MYRIP: variants seen among roughly 807,000 people sequenced by gnomAD.
MYRIP encodes myosin VIIA and Rab interacting protein.
Under a neutral mutation model 98.0 loss-of-function variants are expected in MYRIP, and 49 were observed. The ratio of observed to expected loss-of-function variants is 0.50; its 90% CI spans 0.40 to 0.63. The LOEUF is 0.63. Ranked by LOEUF, MYRIP falls within the 30% of genes least tolerant of loss-of-function variation. The pLI, the probability that MYRIP is intolerant of heterozygous loss-of-function variation, is 0.00. For synonymous variants in MYRIP, 404 were observed against 409.5 expected (o/e 0.99, Z 0.16); for missense variants, 1,004 against 1,058.2 (o/e 0.95, Z 0.71).
At chr3:39,957,618 C>G (rs914307391) in intron 2 of MYRIP, among the ~76,000 whole-genome samples, 17 of 152,222 alleles carry the variant, frequency 1.1e-4, no homozygotes, top group South Asian at 1.0e-3. Flanking sequence ...AAAACTGGCA[C>G]AAGACAGGGA....
chr3:40,029,495 T>G (rs187546810), intron 2 of MYRIP, among the ~76,000 whole-genome samples: 32 of 152,190 alleles, frequency 2.1e-4, no homozygotes, highest in Admixed American at 6.5e-4. Context: ...GCTGCAAAGA[T>G]TCTGGATTGT....
chr3:40,233,032 C>T (rs1477186480), intron 11 of MYRIP: 2 of 152,212 alleles, frequency 1.3e-5, no homozygotes, highest in African/African-American at 4.8e-5. Context: ...CATTCATCTT[C>T]AATTCTGTTG....
intron 2 of MYRIP, among the ~76,000 whole-genome samples, chr3:39,908,429 AC>A (rs202235547): frequency 4.0e-5 from 6 of 149,436 alleles, no homozygotes; most frequent in Non-Finnish European, 7.4e-5. Context: ...GTAATCTTCC[AC>A]CCCCCCCATT....
rs913823500 is a variant in MYRIP at position 39,918,027 on chromosome 3, C to T, written c.110+17101C>T. On this transcript the variant is annotated intron_variant, in intron 2 of 16. Transcript: ENST00000302541. ...CTGCAAGCTCAGCTTCCCAGGTTCACGCCATTCTCCTGCCTCAGCCTCCGG... is the reference window on the plus strand; with the variant it reads ...CTGCAAGCTCAGCTTCCCAGGTTCATGCCATTCTCCTGCCTCAGCCTCCGG... 2.6e-5 allele frequency among the ~76,000 whole-genome samples: 4 copies of T among 151,832 alleles called. No individual in the cohort carries two copies. In the East Asian group the frequency reaches 7.8e-4, roughly 30 times the overall value.
In MYRIP at chr3:40,106,108, A is replaced by G. The variant is rs1036618171; in HGVS notation, c.333-44940A>G. ...TTGGGTGGGGACACATATCCAAAGC[A>G]TATCACATACCAGAGAGTTATAATA... On this transcript the variant is annotated intron_variant, in intron 3 of 16. Coordinates refer to ENST00000302541, the MANE Select transcript of MYRIP (RefSeq NM_015460.4). Among the ~76,000 whole-genome samples, 4 of 152,202 alleles carry G rather than the reference A, an allele frequency of 2.6e-5. No individual in the cohort carries two copies. In the South Asian group the frequency reaches 6.2e-4, roughly 24 times the overall value.
intron 1 of MYRIP, among the ~76,000 whole-genome samples, chr3:39,856,484 A>G (rs1405289330): frequency 6.6e-6 from 1 of 152,130 alleles, no homozygotes; most frequent in Non-Finnish European, 1.5e-5. Flanking sequence ...TAGAACCAGA[A>G]ACACCACCCA....
intron 2 of MYRIP, among the ~76,000 whole-genome samples, chr3:39,976,456 C>A (rs1271960056): frequency 3.9e-5 from 6 of 152,108 alleles, no homozygotes; most frequent in Admixed American, 3.3e-4. Context: ...GGGACTCTAA[C>A]CTAGTTCAAC....
At chr3:39,902,368 G>A (rs1040404891) in intron 2 of MYRIP, among the ~76,000 whole-genome samples, 10 of 152,228 alleles carry the variant, frequency 6.6e-5, no homozygotes, top group African/African-American at 1.7e-4. Context: ...GCTTGGCAGC[G>A]CTAAGACCAA....
chr3:40,140,721 G>C (rs1285030605), intron 3 of MYRIP, among the ~76,000 whole-genome samples: 1 of 151,870 alleles, frequency 6.6e-6, no homozygotes, highest in South Asian at 2.1e-4. Context: ...TTAGTAATTT[G>C]AACATTTTTT....
At chr3:39,904,706 C>G (rs945721769) in intron 2 of MYRIP, among the ~76,000 whole-genome samples, 1 of 152,144 alleles carries the variant, frequency 6.6e-6, no homozygotes. Flanking sequence ...CCACTGTCTG[C>G]TACAGCTCAC....
intron 3 of MYRIP, among the ~76,000 whole-genome samples, chr3:40,046,140 G>A (rs896913096): frequency 1.3e-5 from 2 of 152,140 alleles, no homozygotes; most frequent in Non-Finnish European, 1.5e-5. Flanking sequence ...CCACAGTATG[G>A]AGGTGAAGAA....
At chr3:40,068,222 G>A (rs972467333) in intron 3 of MYRIP, among the ~76,000 whole-genome samples, 4 of 152,138 alleles carry the variant, frequency 2.6e-5, no homozygotes, top group African/African-American at 9.7e-5. Context: ...GTACTATGTT[G>A]CTTTCTCACA....
At chr3:40,072,827 CT>C (rs1041585197) in intron 3 of MYRIP, among the ~76,000 whole-genome samples, 24 of 51,466 alleles carry the variant, frequency 4.7e-4, no homozygotes, top group Non-Finnish European at 6.4e-4. Context: ...ATGGTGTGTT[CT>C]TTTTTAAAAA....
chr3:39,996,104 C>A (rs1442689694), intron 2 of MYRIP, among the ~76,000 whole-genome samples: 1 of 152,160 alleles, frequency 6.6e-6, no homozygotes, highest in Non-Finnish European at 1.5e-5. Context: ...ACCATCGAGG[C>A]TAGGAAGGAA....
At chr3:40,194,727 A>C (rs1040705822) in intron 10 of MYRIP, among the ~76,000 whole-genome samples, 4 of 152,138 alleles carry the variant, frequency 2.6e-5, no homozygotes, top group African/African-American at 7.2e-5. Context: ...CCACTTATTT[A>C]CTTTCAGTGA....
chr3:40,058,135 A>G (rs967564450), intron 3 of MYRIP, among the ~76,000 whole-genome samples: 1 of 152,178 alleles, frequency 6.6e-6, no homozygotes, highest in African/African-American at 2.4e-5. Context: ...TAGCACGCAA[A>G]CAATTTAATT....
At chr3:40,131,717 A>G (rs911767992) in intron 3 of MYRIP, among the ~76,000 whole-genome samples, 2 of 152,188 alleles carry the variant, frequency 1.3e-5, no homozygotes, top group Non-Finnish European at 2.9e-5. Context: ...ATTTTGCTAC[A>G]TTATCTTTCA....
chr3:39,892,408 C>A (rs1038066901), intron 1 of MYRIP, among the ~76,000 whole-genome samples: 12 of 152,200 alleles, frequency 7.9e-5, no homozygotes, highest in Non-Finnish European at 1.2e-4. Flanking sequence ...TTGCTACTCC[C>A]TAAGGCAGAG....
intron 1 of MYRIP, among the ~76,000 whole-genome samples, chr3:39,862,544 CAAAG>C (rs1257213579): frequency 6.6e-6 from 1 of 152,138 alleles, no homozygotes; most frequent in Non-Finnish European, 1.5e-5. Context: ...ACAAAAAAGT[CAAAG>C]AAGGCATTTT....
Sources: gnomAD v4.1 joint callset for allele counts (sites outside exome capture counted in the v4.1 genomes callset) on GRCh38, gnomAD v4.1.1 for gene constraint, MANE v1.5 for transcripts, NCBI Gene and HGNC (gene_info 2026-07-23, HGNC 2026-07-21) for gene names.